Variants in RAP1GAP2 observed in about 807,000 individuals in gnomAD.
RAP1GAP2 encodes the protein rap1 GTPase-activating protein 2.
RAP1GAP2 carries 27 observed loss-of-function variants against 95.0 expected under a neutral mutation model. The observed-to-expected ratio is 0.28, with a 90% CI of 0.21 to 0.39. The LOEUF is 0.39. Among genes scored for constraint, RAP1GAP2 ranks in the 10% least tolerant of loss-of-function variants. The pLI, the probability that RAP1GAP2 is intolerant of heterozygous loss-of-function variation, is 1.00. For missense variants in RAP1GAP2, 771 were observed against 970.0 expected (o/e 0.79, Z 2.72); for synonymous variants, 373 against 380.9 (o/e 0.98, Z 0.24).
At chr17:2,943,346 G>A (rs1310968409) in intron 3 of RAP1GAP2, among the ~76,000 whole-genome samples, 2 of 152,184 alleles carry the variant, frequency 1.3e-5, no homozygotes, top group African/African-American at 2.4e-5. Flanking sequence ...AACTCCTACA[G>A]CTCAATAATA....
chr17:2,909,800 A>G (rs570799722), intron 3 of RAP1GAP2, among the ~76,000 whole-genome samples: 25 of 152,206 alleles, frequency 1.6e-4, no homozygotes, highest in African/African-American at 5.8e-4. Context: ...AGAGCTGGGA[A>G]GGGAGGAAGG....
chr17:2,829,722 C>G (rs985736841), intron 2 of RAP1GAP2, among the ~76,000 whole-genome samples: 2 of 152,070 alleles, frequency 1.3e-5, no homozygotes, highest in African/African-American at 4.8e-5. Context: ...GGCCTCCTGG[C>G]TGTCGGATGT....
intron 2 of RAP1GAP2, among the ~76,000 whole-genome samples, chr17:2,815,638 C>T (rs541596157): frequency 7.2e-5 from 11 of 152,002 alleles, no homozygotes; most frequent in East Asian, 1.9e-4. Context: ...CGCACCACCA[C>T]GCCCAGCTAA....
intron 3 of RAP1GAP2, 86 bp downstream of exon 3, chr17:2,905,454 C>G (rs1386583522): frequency 8.1e-6 from 11 of 1,352,752 alleles, no homozygotes; most frequent in Admixed American, 2.0e-5. Context: ...CCAGGCCCAG[C>G]AGCGTCCGTC....
intron 2 of RAP1GAP2, among the ~76,000 whole-genome samples, chr17:2,897,536 T>G (rs993721287): frequency 6.5e-4 from 99 of 151,798 alleles, no homozygotes; most frequent in African/African-American, 2.2e-3. Context: ...ATTTTTGTAT[T>G]TTGAGTAGAG....
intron 2 of RAP1GAP2, among the ~76,000 whole-genome samples, chr17:2,811,868 T>C (rs6502528): frequency 0.84 from 127,266 of 151,870 alleles, 53,759 homozygotes; most frequent in African/African-American, 0.94. Flanking sequence ...CGTGAGCCAC[T>C]GCGCCTGGCC....
chr17:2,924,351 C>T (rs956626632), intron 3 of RAP1GAP2, among the ~76,000 whole-genome samples: 3 of 152,056 alleles, frequency 2.0e-5, no homozygotes, highest in Non-Finnish European at 2.9e-5. Context: ...ATCCCGGGAG[C>T]GAATAGGGTT....
chr17:2,903,427 C>T lies in RAP1GAP2; in HGVS notation c.81-1857C>T, dbSNP rs556105430. Among the ~76,000 whole-genome samples the T allele has an allele frequency of 1.9e-4, 29 of 152,212 alleles. 1 individual carries two copies. The highest frequency in any genetic ancestry group is 6.5e-5 in the Admixed American group (1 of 15,286). ...AGCCTACGGTGGTAATGTCCAAGGC[C>T]GTACATAGAAGGAGGCTGGCAGCTC... On this transcript the variant is annotated intron_variant, in intron 2 of 24. Coordinates refer to ENST00000254695, the MANE Select transcript of RAP1GAP2 (RefSeq NM_015085.5). The surrounding 1 kb of genome is among the most constrained non-coding windows in gnomAD (Gnocchi z 4.1).
chr17:2,780,955 T>G (rs1339462375), intron 1 of RAP1GAP2, among the ~76,000 whole-genome samples: 5 of 152,136 alleles, frequency 3.3e-5, no homozygotes, highest in African/African-American at 1.2e-4. Context: ...GTGTTTTGTG[T>G]TTCTGATTTT....
chr17:2,759,349 C>T (rs1444231229), intron 1 of RAP1GAP2, among the ~76,000 whole-genome samples: 1 of 152,164 alleles, frequency 6.6e-6, no homozygotes, highest in Non-Finnish European at 1.5e-5. Context: ...GGCTCAATCA[C>T]AGCTCACTGT....
chr17:2,892,420 C>T (rs921803449), intron 2 of RAP1GAP2, among the ~76,000 whole-genome samples: 4 of 152,128 alleles, frequency 2.6e-5, no homozygotes, highest in African/African-American at 4.8e-5. Flanking sequence ...GATGGCTTCT[C>T]TCTGCTTTCA....
At chr17:2,785,493 CCCTGA>C (rs767177289) in intron 1 of RAP1GAP2, among the ~76,000 whole-genome samples, 25 of 151,996 alleles carry the variant, frequency 1.6e-4, no homozygotes, top group Non-Finnish European at 2.8e-4. Flanking sequence ...TAACATCAAC[CCCTGA>C]CCTAAACTAC....
At chr17:3,011,633 G>A (rs1220734472) in intron 17 of RAP1GAP2, among the ~76,000 whole-genome samples, 1 of 98,002 alleles carries the variant, frequency 1.0e-5, no homozygotes, top group African/African-American at 3.6e-5. Flanking sequence ...TTTTTTTTGA[G>A]ATGGAGTTTT....
chr17:3,011,309 C>G (rs2046534883), intron 17 of RAP1GAP2, among the ~76,000 whole-genome samples: 1 of 152,188 alleles, frequency 6.6e-6, no homozygotes, highest in Non-Finnish European at 1.5e-5. Flanking sequence ...CCTCACATCT[C>G]CCAAGCATGG....
chr17:2,915,435 C>T (rs2042540371), intron 3 of RAP1GAP2, among the ~76,000 whole-genome samples: 1 of 151,178 alleles, frequency 6.6e-6, no homozygotes, highest in South Asian at 2.1e-4. Context: ...GGGTTTCACC[C>T]TGTTGCCCAG....
intron 3 of RAP1GAP2, among the ~76,000 whole-genome samples, chr17:2,938,157 C>G (rs1241329456): frequency 6.6e-6 from 1 of 152,144 alleles, no homozygotes; most frequent in African/African-American, 2.4e-5. Flanking sequence ...TACGTCATGT[C>G]CTATTCTACA....
intron 2 of RAP1GAP2, among the ~76,000 whole-genome samples, chr17:2,872,040 A>G (rs1225979857): frequency 6.6e-6 from 1 of 151,776 alleles, no homozygotes; most frequent in Admixed American, 6.6e-5. Flanking sequence ...ACTAGCCAAC[A>G]TGGTCTCTAC....
chr17:2,820,808 G>A (rs573559488), intron 2 of RAP1GAP2, among the ~76,000 whole-genome samples: 10 of 149,770 alleles, frequency 6.7e-5, no homozygotes, highest in South Asian at 4.3e-4. Flanking sequence ...TAAAATCTCC[G>A]CCTCCCGGGT....
In RAP1GAP2 at chr17:3,029,730, G is replaced by T. The variant is rs374214957; in HGVS notation, c.2108-1192G>T. On this transcript the variant is annotated intron_variant, in intron 22 of 24. Transcript: ENST00000254695. This position sits in a 1 kb window ranked among gnomAD's most constrained non-coding sequence, Gnocchi z 4.4. ...TTTCCATACCCTCGGCCAGAGGACAGCCAGAAAGTCAAGTGGCCCTCCTGC... is the reference window on the plus strand; with the variant it reads ...TTTCCATACCCTCGGCCAGAGGACATCCAGAAAGTCAAGTGGCCCTCCTGC... 1.4e-4 allele frequency among the ~76,000 whole-genome samples: 21 copies of T among 152,236 alleles called. 3 individuals carry two copies. Among genetic ancestry groups the T allele is most frequent in the Admixed American group, 9.8e-4 (15 of 15,286 alleles).
Sources: gnomAD v4.1 joint callset for allele counts (sites outside exome capture counted in the v4.1 genomes callset) on GRCh38, gnomAD v4.1.1 for gene constraint, Gnocchi (gnomAD v3.1) non-coding constraint, MANE v1.5 for transcripts, NCBI Gene and HGNC (gene_info 2026-07-23, HGNC 2026-07-21) for gene names.